TLK2: variants seen among roughly 807,000 people sequenced by gnomAD.
TLK2 encodes the protein serine/threonine-protein kinase tousled-like 2.
In TLK2, 6 loss-of-function variants were observed where a neutral mutation model predicts 117.3. The ratio of observed to expected loss-of-function variants is 0.05; its 90% confidence interval spans 0.03 to 0.10. The LOEUF (loss-of-function observed/expected upper bound fraction) is 0.10. TLK2 is among the 10% of genes least tolerant of loss of function. The pLI is 1.00. For synonymous variants in TLK2, 257 were observed against 316.7 expected (o/e 0.81, Z 2.00); for missense variants, 299 against 901.2 (o/e 0.33, Z 8.56).
At chr17:62,588,591 T>TG (rs1308774345) in intron 16 of TLK2, among the ~76,000 whole-genome samples, 2 of 152,122 alleles carry the variant, frequency 1.3e-5, no homozygotes, top group Admixed American at 1.3e-4. Context: ...GCAGACACCT[T>TG]GGGGAGAGGG....
At chr17:62,513,588 A>C (rs528603274) in intron 2 of TLK2, among the ~76,000 whole-genome samples, 1 of 152,006 alleles carries the variant, frequency 6.6e-6, no homozygotes, top group East Asian at 1.9e-4. Context: ...CTCCCACCTC[A>C]TGCTCTCAAA....
rs1179870129 is a variant in TLK2 at position 62,596,603 on chromosome 17, C to T, written c.1479C>T (p.Tyr493=). ...TTTACAGGCATGCATGTAGGGAATA[C>T]CGGATTCATAAAGAGCTGGATCATC... The part of the protein sequence containing the change: ...ENYHKHACRE[Y]RIHKELDHPR... Residue 493 remains tyrosine, a synonymous_variant, in exon 17 of 22, where the codon TAC becomes TAT. Coordinates refer to ENST00000346027, the MANE Select transcript of TLK2 (RefSeq NM_006852.6). 6.2e-7 allele frequency: 1 copy of T among 1,614,078 alleles called. No individual in the cohort carries two copies. The highest frequency in any genetic ancestry group is 1.7e-5 in the Admixed American group (1 of 60,022).
rs2071238226 is a variant in TLK2 at position 62,478,833 on chromosome 17, T to C, written c.-463T>C. Among the ~76,000 whole-genome samples the C allele has an allele frequency of 7.1e-6, 1 of 141,008 alleles. No individual in the cohort carries two copies. Among genetic ancestry groups the C allele is most frequent in the African/African-American group, 2.6e-5 (1 of 38,690 alleles). 92.5% of individuals were successfully genotyped at this position (141,008 alleles called of 152,430 possible). ...GTGTGTTTACACCGATCACTACTAA[T>C]CCGGACCGAACCGATCCGGATTAAG... On this transcript the variant is annotated 5_prime_UTR_variant, in exon 1 of 22. Coordinates refer to ENST00000346027, the MANE Select transcript of TLK2 (RefSeq NM_006852.6).
At chr17:62,589,004 C>T (rs1380078296) in intron 16 of TLK2, among the ~76,000 whole-genome samples, 1 of 152,120 alleles carries the variant, frequency 6.6e-6, no homozygotes, top group Non-Finnish European at 1.5e-5. Context: ...TTCCCAGTCC[C>T]ATCTGGAATC....
chr17:62,522,547 A>G (rs966126851), intron 4 of TLK2, among the ~76,000 whole-genome samples: 3 of 152,218 alleles, frequency 2.0e-5, no homozygotes, highest in African/African-American at 7.2e-5. Flanking sequence ...TATATATTGT[A>G]CAAAAAAGAG....
At chr17:62,528,884 C>CT (rs1434957322) in intron 6 of TLK2, among the ~76,000 whole-genome samples, 3 of 152,178 alleles carry the variant, frequency 2.0e-5, no homozygotes, top group African/African-American at 4.8e-5. Context: ...GGAAGGTAGA[C>CT]TATTTCCAGC....
At chr17:62,569,188 C>T (rs2080061773) in intron 11 of TLK2, among the ~76,000 whole-genome samples, 1 of 150,972 alleles carries the variant, frequency 6.6e-6, no homozygotes, top group African/African-American at 2.4e-5. Flanking sequence ...ACCTATAGTC[C>T]CAGCTACCCA....
chr17:62,520,817 C>T lies in TLK2; in HGVS notation c.126C>T (p.Val42=), dbSNP rs762313105. The stretch of plus-strand genomic sequence containing the variant: ...CTTCCAACCAGAGCTTGTGCAGCGT[C>T]GGATCCTTGAGTGATAAAGAAGTAG... The part of the protein sequence containing the change: ...SESSNQSLCS[V]GSLSDKEVET... Residue 42 remains valine, a synonymous_variant, in exon 3 of 22, where the codon GTC becomes GTT. Transcript: ENST00000346027. 1.7e-5 allele frequency: 27 copies of T among 1,613,044 alleles called. No homozygotes were observed. The highest frequency in any genetic ancestry group is 1.6e-4 in the Middle Eastern group (1 of 6,078).
intron 9 of TLK2, among the ~76,000 whole-genome samples, chr17:62,559,209 T>C (rs2079071876): frequency 6.6e-6 from 1 of 152,158 alleles, no homozygotes; most frequent in African/African-American, 2.4e-5. Context: ...TTCTGTCTTT[T>C]GTGGGCATGG....
intron 11 of TLK2, among the ~76,000 whole-genome samples, chr17:62,569,107 C>A (rs878856758): frequency 7.3e-5 from 11 of 151,568 alleles, no homozygotes; most frequent in Non-Finnish European, 1.2e-4. Context: ...GAGTTCGAGA[C>A]CAGCCTGGCC....
intron 2 of TLK2, chr17:62,508,358 A>C (rs1165802114): frequency 5.2e-6 from 4 of 774,276 alleles, no homozygotes; most frequent in Non-Finnish European, 6.3e-6. Flanking sequence ...TGGACAAAGA[A>C]GCATTTAATG....
rs968219189 is a variant in TLK2 at position 62,484,210 on chromosome 17, A to AT, written c.81+3014dup. 2.2e-3 allele frequency among the ~76,000 whole-genome samples: 325 copies of AT among 149,570 alleles called. 2 individuals are homozygous for AT. The highest frequency in any genetic ancestry group is 7.2e-3 in the African/African-American group (293 of 40,830). ...GTTATTTGAGGACTAGCAGGAGAGT[A>AT]TTTTTTTTTTCCATAACAAAGAAAC... is the stretch of plus-strand genomic sequence containing the variant. On this transcript the variant is annotated intron_variant, in intron 2 of 21. Coordinates refer to ENST00000346027, the MANE Select transcript of TLK2 (RefSeq NM_006852.6).
At position 62,538,224 on chromosome 17, in the gene TLK2, A is replaced by G. The variant is rs951096482; in HGVS notation, c.531+1887A>G. On this transcript the variant is annotated intron_variant, in intron 7 of 21. Transcript: ENST00000346027. ...CTAATTTTTTGTATTTTTATTAGAG[A>G]TGGGGTTTCACCATGTTAGCCAGGA... Among the ~76,000 whole-genome samples, 6 of 151,116 alleles carry G rather than the reference A, an allele frequency of 4.0e-5. No homozygotes were observed. In the East Asian group the frequency reaches 5.8e-4, roughly 15 times the overall value.
chr17:62,600,817 C>A lies in TLK2; in HGVS notation c.1717C>A (p.Pro573Thr). The A allele has an allele frequency of 6.2e-7, 1 of 1,601,168 alleles. No individual in the cohort carries two copies. Among genetic ancestry groups the A allele is most frequent in the Non-Finnish European group, 8.5e-7 (1 of 1,175,712 alleles). ...TCCCATCATACACTATGACCTCAAA[C>A]CAGGTATGTCTAACTTTTAGGAGAC... Reference protein sequence around the residue: ...KPPIIHYDLKPGNILLVNGTA... With the variant: ...KPPIIHYDLKTGNILLVNGTA... Residue 573 changes from proline (P) to threonine (T), a missense_variant, in exon 18 of 22, where the codon CCA (proline) becomes ACA (threonine). Transcript: ENST00000346027.
chr17:62,495,071 G>A (rs2073508701), intron 2 of TLK2, among the ~76,000 whole-genome samples: 1 of 152,030 alleles, frequency 6.6e-6, no homozygotes, highest in Non-Finnish European at 1.5e-5. Flanking sequence ...GGAGGCTGAG[G>A]CAGGAGGATC....
intron 2 of TLK2, among the ~76,000 whole-genome samples, chr17:62,504,993 G>A (rs1193350491): frequency 6.6e-6 from 1 of 152,026 alleles, no homozygotes; most frequent in East Asian, 1.9e-4. Flanking sequence ...ACAGGCGTGC[G>A]CCACCATGCC....
chr17:62,474,540 G>A (rs2144197003), upstream of TLK2, among the ~76,000 whole-genome samples: 1 of 151,962 alleles, frequency 6.6e-6, no homozygotes, highest in South Asian at 2.1e-4. Context: ...CTCCCAAGTA[G>A]CCGGGACTAC....
chr17:62,537,456 G>A (rs145197106), intron 7 of TLK2, among the ~76,000 whole-genome samples: 150 of 152,290 alleles, frequency 9.8e-4, no homozygotes, highest in African/African-American at 3.0e-3. Flanking sequence ...TGGAGTTTGC[G>A]TGTTTTCTCC....
intron 6 of TLK2, among the ~76,000 whole-genome samples, chr17:62,533,432 G>A (rs1479469247): frequency 1.4e-5 from 2 of 141,026 alleles, no homozygotes; most frequent in Admixed American, 1.4e-4. Context: ...TTGAGACAGG[G>A]TCTTGCTGTG....
Sources: allele counts gnomAD v4.1 joint callset (sites outside exome capture counted in the v4.1 genomes callset), GRCh38; gene constraint gnomAD v4.1.1; transcripts MANE v1.5; gene names NCBI Gene and HGNC (gene_info 2026-07-23, HGNC 2026-07-21).